Variants in KLRG1 observed in about 807,000 individuals in gnomAD.
KLRG1 encodes killer cell lectin like receptor G1, also known as killer cell lectin-like receptor subfamily G member 1.
Under a neutral mutation model 21.8 loss-of-function variants are expected in KLRG1, and 16 were observed. The ratio of observed to expected loss-of-function variants is 0.73; its 90% CI spans 0.50 to 1.11. KLRG1 has a LOEUF of 1.11. KLRG1 is among the 50% of genes most tolerant of loss of function. KLRG1 has a pLI of 0.00. For missense variants in KLRG1, 173 were observed against 218.3 expected, an observed-to-expected ratio of 0.79 and a Z score of 1.31; for synonymous variants, 69 against 75.9, an observed-to-expected ratio of 0.91 and a Z score of 0.47.
the KLRG1 span, among the ~76,000 whole-genome samples, chr12:9,195,611 A>ATTTTTTTTT: frequency 1.9e-5 from 2 of 104,248 alleles, no homozygotes; most frequent in Admixed American, 1.2e-4. Context: ...CCCACTGCTA[A>ATTTTTTTTT]TTTTTTTTTT....
chr12:9,180,960 C>T, the KLRG1 span: 1 of 1,605,880 alleles, frequency 6.2e-7, no homozygotes, highest in South Asian at 1.1e-5. Context: ...CCTTCCTGGT[C>T]CCCAAGGCCA....
intron 3 of KLRG1, among the ~76,000 whole-genome samples, chr12:9,004,839 G>A (rs1947421313): frequency 1.2e-5 from 1 of 81,788 alleles, no homozygotes; most frequent in Non-Finnish European, 3.4e-5. Context: ...TGGTAGTCAA[G>A]AGTTGTTGCT....
At chr12:9,099,326 A>G in the KLRG1 span, 3 of 1,502,656 alleles carry the variant, frequency 2.0e-6, no homozygotes, top group Admixed American at 3.9e-5. Context: ...ACAAATGATA[A>G]CAATAGTAAC....
At chr12:9,107,521 T>C in the KLRG1 span, 7 of 1,613,848 alleles carry the variant, frequency 4.3e-6, no homozygotes, top group East Asian at 1.6e-4. Context: ...GTGTTCAACC[T>C]ACCTGTCCAC....
the KLRG1 span, chr12:9,074,627 G>A: frequency 1.2e-6 from 2 of 1,613,946 alleles, no homozygotes; most frequent in Non-Finnish European, 1.7e-6. Flanking sequence ...GTTGGTTGCA[G>A]AGGTCAGGTC....
the KLRG1 span, among the ~76,000 whole-genome samples, chr12:9,156,972 T>C: frequency 6.6e-6 from 1 of 152,150 alleles, no homozygotes; most frequent in African/African-American, 2.4e-5. Context: ...ATGTGCAGGA[T>C]GTGCAGGTTT....
At chr12:8,975,837 C>A (rs887433963) in intron 1 of KLRG1, among the ~76,000 whole-genome samples, 1 of 152,202 alleles carries the variant, frequency 6.6e-6, no homozygotes, top group Non-Finnish European at 1.5e-5. Flanking sequence ...GCTGGGATTA[C>A]ACGTGTGAGC....
chr12:9,045,841 C>A, the KLRG1 span, among the ~76,000 whole-genome samples: 1 of 152,098 alleles, frequency 6.6e-6, no homozygotes, highest in African/African-American at 2.4e-5. Flanking sequence ...ACATATACAC[C>A]ATGGAATACT....
At chr12:9,178,813 G>T in the KLRG1 span, among the ~76,000 whole-genome samples, 1 of 151,964 alleles carries the variant, frequency 6.6e-6, no homozygotes, top group Non-Finnish European at 1.5e-5. Context: ...ACACACCCCT[G>T]CAGATCAGGG....
chr12:9,190,955 G>T, the KLRG1 span, among the ~76,000 whole-genome samples: 1 of 152,112 alleles, frequency 6.6e-6, no homozygotes, highest in Non-Finnish European at 1.5e-5. Flanking sequence ...ATTCTTTGGT[G>T]AAGAGTAAAT....
the KLRG1 span, among the ~76,000 whole-genome samples, chr12:9,092,432 A>G: frequency 6.6e-6 from 1 of 152,094 alleles, no homozygotes; most frequent in South Asian, 2.1e-4. Context: ...CCTTGGCTCA[A>G]TACAGAGAGA....
the KLRG1 span, among the ~76,000 whole-genome samples, chr12:9,050,206 T>G: frequency 6.6e-6 from 1 of 152,284 alleles, no homozygotes; most frequent in Middle Eastern, 3.4e-3. Context: ...GAAATACAGT[T>G]TTAAGAAGTG....
At chr12:9,084,559 A>C in the KLRG1 span, among the ~76,000 whole-genome samples, 1 of 151,856 alleles carries the variant, frequency 6.6e-6, no homozygotes, top group Non-Finnish European at 1.5e-5. Flanking sequence ...CAAAAATTTT[A>C]AAAGATTCAA....
chr12:9,163,659 A>G, the KLRG1 span: 1 of 1,612,346 alleles, frequency 6.2e-7, no homozygotes, highest in Non-Finnish European at 8.5e-7. Context: ...ACTCCCAAAA[A>G]TATGTTACCT....
chr12:8,958,924 A>G (rs1946339692), intron 1 of KLRG1, among the ~76,000 whole-genome samples: 1 of 152,120 alleles, frequency 6.6e-6, no homozygotes, highest in Non-Finnish European at 1.5e-5. Context: ...AAATTTGGGG[A>G]AAATTGACAT....
chr12:9,083,905 C>CA, the KLRG1 span, among the ~76,000 whole-genome samples: 2 of 150,718 alleles, frequency 1.3e-5, no homozygotes, highest in South Asian at 2.1e-4. Context: ...AAATCAAAGA[C>CA]AAAAAAAAAT....
At chr12:9,165,987 T>A in the KLRG1 span, 2,207 of 1,525,328 alleles carry the variant, frequency 1.4e-3, 6 homozygotes, top group Admixed American at 2.6e-3. Context: ...TGTCTTAGAA[T>A]TGAAAATGTT....
intron 1 of KLRG1, chr12:8,971,224 T>G (rs991566166): frequency 1.3e-5 from 2 of 152,128 alleles, no homozygotes; most frequent in African/African-American, 4.8e-5. Flanking sequence ...GTTTTCTTTG[T>G]GGGTAAGTGT....
chr12:9,200,273 T>A, the KLRG1 span: 4 of 816,036 alleles, frequency 4.9e-6, no homozygotes, highest in African/African-American at 7.0e-5. Flanking sequence ...ACAAAAGTGC[T>A]GAGGCAAAGT....
Sources: allele counts gnomAD v4.1 joint callset (sites outside exome capture counted in the v4.1 genomes callset), GRCh38; gene constraint gnomAD v4.1.1; transcripts MANE v1.5; gene names NCBI Gene and HGNC (gene_info 2026-07-23, HGNC 2026-07-21).